The following GPRC5B variants were observed in gnomAD, a reference collection of about 807,000 sequenced individuals.
The protein encoded by GPRC5B is G protein-coupled receptor family C group 5 member B.
GPRC5B carries 16 observed loss-of-function variants against 30.1 expected under a neutral mutation model. The observed-to-expected ratio is 0.53, with a 90% confidence interval of 0.36 to 0.81. The LOEUF (loss-of-function observed/expected upper bound fraction) is 0.81, where lower values mean the gene tolerates loss of function less well. Ranked by LOEUF, GPRC5B falls within the 30% of genes least tolerant of loss-of-function variation. GPRC5B has a pLI of 0.01. For synonymous variants in GPRC5B, 241 were observed against 239.5 expected, an observed-to-expected ratio of 1.01 and a Z score of -0.06; for missense variants, 428 against 544.7, an observed-to-expected ratio of 0.79 and a Z score of 2.13.
At chr16:19,884,925 G>T (rs1468784716), upstream of GPRC5B, 2 of 894,760 alleles carry the variant, frequency 2.2e-6, no homozygotes, top group Non-Finnish European at 2.6e-6. Context: ...CCCCGCCCCC[G>T]CCCCCGCCCC....
chr16:19,872,807 C>G lies in GPRC5B; in HGVS notation c.39G>C (p.Gln13His), dbSNP rs375184267. The change falls in exon 2 of 4, where the codon CAG becomes CAC. Residue 13 changes from glutamine (Q) to histidine (H), a missense_variant. Around this residue, in one of 3 missense-constraint regions of GPRC5B, gnomAD observed 196 missense variants for 272.6 expected, o/e 0.72. Coordinates refer to ENST00000300571, the MANE Select transcript of GPRC5B (RefSeq NM_016235.3). The surrounding 1 kb of genome is among the most constrained non-coding windows in gnomAD (Gnocchi z 5.0). ...CGAAGAGCAGGAGGAAGGTGAGCACCTGGTGAGCTCTCATCTTTCTCTCTG... is the reference window on the plus strand; with the variant it reads ...CGAAGAGCAGGAGGAAGGTGAGCACGTGGTGAGCTCTCATCTTTCTCTCTG... ...VASERKMRAHQVLTFLLLFVI... is the reference protein window; with the variant it reads ...VASERKMRAHHVLTFLLLFVI... The G allele has an allele frequency of 6.8e-6, 11 of 1,613,740 alleles. No homozygotes were observed. The African/African-American group carries it at 1.1e-4, about 16-fold the overall frequency.
Position 19,858,942 on chromosome 16 carries a change from G to T in GPRC5B, c.*1558C>A, listed in dbSNP as rs2056597630. On this transcript the variant is annotated 3_prime_UTR_variant, in exon 4 of 4. Coordinates refer to ENST00000300571, the MANE Select transcript of GPRC5B (RefSeq NM_016235.3). ...CCCCAGTGCTTTGCAAGGATGGGGTGGGGAGGGGAGACAGCAGAGACTAGG... is the reference window on the plus strand; with the variant it reads ...CCCCAGTGCTTTGCAAGGATGGGGTTGGGAGGGGAGACAGCAGAGACTAGG... 5.5e-6 allele frequency: 1 copy of T among 181,734 alleles called. No individual in the cohort carries two copies. Among genetic ancestry groups the T allele is most frequent in the Non-Finnish European group, 1.1e-5 (1 of 87,906 alleles). 11.3% of individuals were successfully genotyped at this position (181,734 alleles called of 1,614,324 possible). A position where few individuals can be genotyped will look rare whatever the true frequency, so the allele number is the denominator to read the frequency against.
In GPRC5B at chr16:19,858,705, G is replaced by A. The variant is rs889789521; in HGVS notation, c.*1795C>T. 1.3e-5 allele frequency: 6 copies of A among 447,538 alleles called. No individual in the cohort carries two copies. The highest frequency in any genetic ancestry group is 1.0e-4 in the African/African-American group (5 of 47,982). 27.7% of individuals were successfully genotyped at this position (447,538 alleles called of 1,614,324 possible). A position where few individuals can be genotyped will look rare whatever the true frequency, so the allele number is the denominator to read the frequency against. ...TCCCACCCCTCCCCAGGACTCTTAC[G>A]TTTTCTGTCCACGCAATGACTGGAA... On this transcript the variant is annotated 3_prime_UTR_variant, in exon 4 of 4. Transcript: ENST00000300571.
intron 1 of GPRC5B, among the ~76,000 whole-genome samples, chr16:19,875,200 G>A (rs1352156043): frequency 6.6e-6 from 1 of 152,210 alleles, no homozygotes; most frequent in Non-Finnish European, 1.5e-5. Flanking sequence ...CATGTCCTTT[G>A]CCTACTGATG....
rs1425372034 is a variant in GPRC5B, at chr16:19,871,810, C to G, written c.1030+6G>C. On this transcript the variant is annotated splice_donor_region_variant and intron_variant, in intron 2 of 3. Transcript: ENST00000300571. ...GCCTGACCCAGCCGGGTGGTGCCCA[C>G]TTTACCTGCATTGTGTTCATCCATG... 2 of 1,609,484 alleles carry G rather than the reference C, an allele frequency of 1.2e-6. No homozygotes were observed. The highest frequency in any genetic ancestry group is 2.7e-5 in the African/African-American group (2 of 74,850).
chr16:19,883,483 A>G (rs1320711519), intron 1 of GPRC5B, among the ~76,000 whole-genome samples: 2 of 152,230 alleles, frequency 1.3e-5, no homozygotes, highest in Non-Finnish European at 2.9e-5. Flanking sequence ...ATCCTCCGCA[A>G]GCCCGAGTCC....
intron 2 of GPRC5B, among the ~76,000 whole-genome samples, chr16:19,869,771 GA>G (rs2056698792): frequency 1.3e-5 from 2 of 152,090 alleles, no homozygotes; most frequent in South Asian, 4.2e-4. Context: ...AATTATAGGG[GA>G]TGTTAATAAC....
chr16:19,880,518 C>T (rs1445669828), intron 1 of GPRC5B, among the ~76,000 whole-genome samples: 1 of 151,888 alleles, frequency 6.6e-6, no homozygotes, highest in Non-Finnish European at 1.5e-5. Context: ...CCACTGCTGG[C>T]TTCTAGCCTC....
chr16:19,882,517 C>T (rs1349490718), intron 1 of GPRC5B, among the ~76,000 whole-genome samples: 10 of 152,186 alleles, frequency 6.6e-5, no homozygotes, highest in Non-Finnish European at 1.5e-5. Context: ...ATTTTAAAAC[C>T]TGAGCTGCTC....
Position 19,861,949 on chromosome 16 carries a change from T to G in GPRC5B, c.1055A>C (p.Asn352Thr). 6.2e-7 allele frequency: 1 copy of G among 1,613,778 alleles called. No individual in the cohort carries two copies. Among genetic ancestry groups the G allele is most frequent in the Non-Finnish European group, 8.5e-7 (1 of 1,179,774 alleles). ...ACTGGGTCTTTTTCCCAAGCTGCCG[T>G]TGGGAAATCCTGCTGTTCGGAGAGC... ...NAALRTAGFP[N>T]GSLGKRPSGS... Residue 352 changes from asparagine (N) to threonine (T), a missense_variant, in exon 3 of 4, where the codon AAC becomes ACC. Around this residue, in one of 3 missense-constraint regions of GPRC5B, gnomAD observed 213 missense variants for 229.1 expected, o/e 0.93. Transcript: ENST00000300571.
Position 19,884,755 on chromosome 16 carries a change from C to G in GPRC5B, c.-30G>C. 1 of 984,992 alleles carries G rather than the reference C, an allele frequency of 1.0e-6. No homozygotes were observed. Among genetic ancestry groups the G allele is most frequent in the Non-Finnish European group, 1.2e-6 (1 of 829,740 alleles). 61.0% of individuals were successfully genotyped at this position (984,992 alleles called of 1,614,324 possible). The stretch of plus-strand genomic sequence containing the variant: ...CCCCCGCGGCCCCGCAGCGCCGACG[C>G]TCCAGCTGGCCTTCGGCCCGAGTCA... On this transcript the variant is annotated 5_prime_UTR_variant, in exon 1 of 4. Transcript: ENST00000300571.
rs1437109495 is a variant in GPRC5B at position 19,857,437 on chromosome 16, T to C, written c.*3063A>G. On this transcript the variant is annotated 3_prime_UTR_variant, in exon 4 of 4. Transcript: ENST00000300571. ...CATATTGATTGTCTTGAAATTTCTT[T>C]AACTTCTTTTTTATAAGTATGCAAC... The C allele has an allele frequency of 2.3e-6, 1 of 441,100 alleles. No homozygotes were observed. Among genetic ancestry groups the C allele is most frequent in the East Asian group, 7.1e-5 (1 of 14,054 alleles). 27.3% of individuals were successfully genotyped at this position (441,100 alleles called of 1,614,324 possible).
chr16:19,864,120 A>T (rs1055489012), intron 2 of GPRC5B, among the ~76,000 whole-genome samples: 3 of 152,136 alleles, frequency 2.0e-5, no homozygotes, highest in Non-Finnish European at 4.4e-5. Flanking sequence ...CTTGCTTAGG[A>T]CCTCTCCTAA....
At position 19,857,739 on chromosome 16, in the gene GPRC5B, C is replaced by G. The variant is rs2056579771; in HGVS notation, c.*2761G>C. 7.7e-6 allele frequency: 1 copy of G among 129,922 alleles called. No individual in the cohort carries two copies. The highest frequency in any genetic ancestry group is 1.6e-5 in the Non-Finnish European group (1 of 61,574). 8.0% of individuals were successfully genotyped at this position (129,922 alleles called of 1,614,324 possible). On this transcript the variant is annotated 3_prime_UTR_variant, in exon 4 of 4. Transcript: ENST00000300571. ...CTTGTTCAGTGGGTCCTGACGGCAT[C>G]TGGGCTAAAAAAAAAAAAAAAAAAA...
chr16:19,861,987 G>A lies in GPRC5B; in HGVS notation c.1031-14C>T, dbSNP rs2056628726. On this transcript the variant is annotated splice_polypyrimidine_tract_variant and intron_variant, in intron 2 of 3. Transcript: ENST00000300571. ...CTGTTCGGAGAGCTGGGGGAGGGAG[G>A]GATTGGCAAGACAACATTGCCAAAA... 1 of 1,613,238 alleles carries A rather than the reference G, an allele frequency of 6.2e-7. No individual in the cohort carries two copies. The highest frequency in any genetic ancestry group is 8.5e-7 in the Non-Finnish European group (1 of 1,179,642).
At chr16:19,884,660 CCACG>C (rs1437472578) in intron 1 of GPRC5B, 63 bp downstream of exon 1, 1 of 979,084 alleles carries the variant, frequency 1.0e-6, no homozygotes, top group Non-Finnish European at 1.2e-6. Flanking sequence ...TCTCCCAAAT[CCACG>C]GCGGGAAAAG....
chr16:19,862,503 C>T (rs964368088), intron 2 of GPRC5B, among the ~76,000 whole-genome samples: 13 of 152,142 alleles, frequency 8.5e-5, no homozygotes, highest in African/African-American at 3.1e-4. Context: ...CTTTTTCCCT[C>T]TGAAAGATGG....
At chr16:19,860,919 G>A (rs1413772899) in intron 3 of GPRC5B, among the ~76,000 whole-genome samples, 5 of 151,984 alleles carry the variant, frequency 3.3e-5, no homozygotes, top group East Asian at 1.9e-4. Context: ...TTCTTGGCTC[G>A]GGACAATAAA....
At position 19,858,532 on chromosome 16, in the gene GPRC5B, T is replaced by A. The variant is rs1451137207; in HGVS notation, c.*1968A>T. 1.4e-6 allele frequency: 1 copy of A among 690,966 alleles called. No individual in the cohort carries two copies. The highest frequency in any genetic ancestry group is 2.6e-6 in the Non-Finnish European group (1 of 379,362). 42.8% of individuals were successfully genotyped at this position (690,966 alleles called of 1,614,324 possible). A position where few individuals can be genotyped will look rare whatever the true frequency, so the allele number is the denominator to read the frequency against. On this transcript the variant is annotated 3_prime_UTR_variant, in exon 4 of 4. Coordinates refer to ENST00000300571, the MANE Select transcript of GPRC5B (RefSeq NM_016235.3). ...TCCAAAGGACTCCAGAGAGCGGGGG[T>A]GAGTAACCATTTCCTGGCACGAGAA...
Sources: gnomAD v4.1 joint callset for allele counts (sites outside exome capture counted in the v4.1 genomes callset) on GRCh38, gnomAD v4.1.1 for gene constraint, gnomAD v4.1.1 regional missense constraint, Gnocchi (gnomAD v3.1) non-coding constraint, MANE v1.5 for transcripts, NCBI Gene and HGNC (gene_info 2026-07-23, HGNC 2026-07-21) for gene names.